The following ATP8A2 variants were observed in gnomAD, a reference collection of about 807,000 sequenced individuals.
ATP8A2 encodes the protein ATPase phospholipid transporting 8A2, also known as phospholipid-transporting ATPase IB.
A neutral mutation model predicts 165.6 loss-of-function variants in ATP8A2; 100 were observed. The observed-to-expected ratio is 0.60, with a 90% CI of 0.51 to 0.71. The LOEUF (loss-of-function observed/expected upper bound fraction) is 0.71, where lower values mean the gene tolerates loss of function less well. Ranked by LOEUF, ATP8A2 falls within the 30% of genes least tolerant of loss-of-function variation. The probability of loss-of-function intolerance (pLI) is 0.00; values close to 1 mark genes in which losing one functional copy is unlikely to be tolerated. For missense variants in ATP8A2, 1,227 were observed against 1,479.5 expected, an observed-to-expected ratio of 0.83 and a Z score of 2.80; for synonymous variants, 543 against 548.8, an observed-to-expected ratio of 0.99 and a Z score of 0.15.
chr13:25,567,841 G>T (rs1166307177), intron 16 of ATP8A2, among the ~76,000 whole-genome samples: 3 of 152,130 alleles, frequency 2.0e-5, no homozygotes, highest in Non-Finnish European at 4.4e-5. Context: ...GGAGATGTGG[G>T]ATTGAATTAA....
In ATP8A2 at chr13:25,893,006, C is replaced by T. The variant is rs143299899; in HGVS notation, c.3183+30598C>T. Among the ~76,000 whole-genome samples the T allele has an allele frequency of 4.6e-3, 696 of 151,804 alleles. 8 individuals are homozygous for T. Among genetic ancestry groups the T allele is most frequent in the African/African-American group, 0.016 (662 of 41,414 alleles). ...ACATATCAATCAAATGTTGTTGTAG[C>T]GTAAGTCCAGAGAAGATTTTTTTTT... On this transcript the variant is annotated intron_variant, in intron 33 of 36. Coordinates refer to ENST00000381655, the MANE Select transcript of ATP8A2 (RefSeq NM_016529.6).
rs559286945 is a variant in ATP8A2 at position 25,633,156 on chromosome 13, C to T, written c.2211+43457C>T. On this transcript the variant is annotated intron_variant, in intron 24 of 36. Transcript: ENST00000381655. ...GATTTCTCTTGAGCTTGGTGATATCCTTTATAATAACCTTTAGAGATCCGT... is the reference window on the plus strand; with the variant it reads ...GATTTCTCTTGAGCTTGGTGATATCTTTTATAATAACCTTTAGAGATCCGT... Among the ~76,000 whole-genome samples, 60 of 152,212 alleles carry T rather than the reference C, an allele frequency of 3.9e-4. No homozygotes were observed. In the Middle Eastern group the frequency reaches 0.027, roughly 69 times the overall value.
chr13:25,740,069 G>C (rs963375059), intron 25 of ATP8A2, among the ~76,000 whole-genome samples: 1 of 152,178 alleles, frequency 6.6e-6, no homozygotes, highest in African/African-American at 2.4e-5. Flanking sequence ...CAGCACTTTG[G>C]GAGGCCGAGA....
chr13:25,695,692 A>G (rs765643476), intron 24 of ATP8A2, among the ~76,000 whole-genome samples: 1 of 152,224 alleles, frequency 6.6e-6, no homozygotes, highest in Non-Finnish European at 1.5e-5. Flanking sequence ...CGTTTATTCA[A>G]GTTTGATCAT....
Position 25,626,492 on chromosome 13 carries a change from C to T in ATP8A2, c.2211+36793C>T, listed in dbSNP as rs144677143. ...AATTACCTCCTGAAGCCTCCATGTC[C>T]AATCAGCATATGAATTTGGGGGTTA... On this transcript the variant is annotated intron_variant, in intron 24 of 36. Coordinates refer to ENST00000381655, the MANE Select transcript of ATP8A2 (RefSeq NM_016529.6). Among the ~76,000 whole-genome samples the T allele has an allele frequency of 3.7e-4, 56 of 152,200 alleles. No individual in the cohort carries two copies. In the East Asian group the frequency reaches 0.011, roughly 29 times the overall value.
At chr13:25,848,212 T>C (rs1434414107) in intron 30 of ATP8A2, among the ~76,000 whole-genome samples, 1 of 152,254 alleles carries the variant, frequency 6.6e-6, no homozygotes, top group Non-Finnish European at 1.5e-5. Context: ...TGTCTGCCTG[T>C]CTTACCATAT....
At chr13:25,698,875 A>G (rs572552891) in intron 24 of ATP8A2, among the ~76,000 whole-genome samples, 6 of 152,170 alleles carry the variant, frequency 3.9e-5, no homozygotes, top group Non-Finnish European at 7.3e-5. Context: ...CAAAAAGCAC[A>G]TTTGTTTATA....
intron 24 of ATP8A2, among the ~76,000 whole-genome samples, chr13:25,633,225 A>G (rs897555741): frequency 1.3e-5 from 2 of 152,190 alleles, no homozygotes; most frequent in African/African-American, 4.8e-5. Flanking sequence ...TGTGCACACA[A>G]GCTGGGGGAC....
intron 2 of ATP8A2, among the ~76,000 whole-genome samples, chr13:25,489,648 C>T (rs1566178567): frequency 6.6e-6 from 1 of 152,236 alleles, no homozygotes; most frequent in African/African-American, 2.4e-5. Flanking sequence ...GGACTGCGCT[C>T]TGCAAGCGAA....
intron 35 of ATP8A2, among the ~76,000 whole-genome samples, chr13:25,998,055 T>C (rs939790491): frequency 6.6e-6 from 1 of 152,220 alleles, no homozygotes; most frequent in African/African-American, 2.4e-5. Context: ...GCAGCCTGGC[T>C]CCTGCCGGGT....
chr13:25,817,554 G>A (rs1951060061), intron 27 of ATP8A2, among the ~76,000 whole-genome samples: 1 of 152,038 alleles, frequency 6.6e-6, no homozygotes, highest in African/African-American at 2.4e-5. Context: ...GATTTTAACG[G>A]AAAAGAAAAT....
At chr13:25,916,436 T>TG (rs1407652838) in intron 33 of ATP8A2, among the ~76,000 whole-genome samples, 1 of 152,242 alleles carries the variant, frequency 6.6e-6, no homozygotes, top group African/African-American at 2.4e-5. Context: ...CAGGTGCATG[T>TG]GGTGCTGGTG....
Position 25,618,153 on chromosome 13 carries a change from A to G in ATP8A2, c.2211+28454A>G, listed in dbSNP as rs367997872. 2.0e-5 allele frequency among the ~76,000 whole-genome samples: 3 copies of G among 152,300 alleles called. No homozygotes were observed. In the East Asian group the frequency reaches 5.8e-4, roughly 29 times the overall value. On this transcript the variant is annotated intron_variant, in intron 24 of 36. Transcript: ENST00000381655. ...GATTTCTGGTTTGCTTTCTTTTGGT[A>G]CATGTTATACCTGATACTGTTCTAC...
chr13:25,935,544 T>C (rs1453716637), intron 33 of ATP8A2, among the ~76,000 whole-genome samples: 1 of 152,230 alleles, frequency 6.6e-6, no homozygotes, highest in Non-Finnish European at 1.5e-5. Flanking sequence ...AGAAGCATGG[T>C]ACCAGCATCT....
chr13:25,887,349 T>C (rs1267700496), intron 33 of ATP8A2, among the ~76,000 whole-genome samples: 2 of 152,198 alleles, frequency 1.3e-5, no homozygotes, highest in African/African-American at 4.8e-5. Context: ...CAACTCTTTT[T>C]TTTTTTAAGA....
chr13:25,785,464 C>G (rs538458917), intron 27 of ATP8A2, among the ~76,000 whole-genome samples: 6 of 152,264 alleles, frequency 3.9e-5, no homozygotes, highest in African/African-American at 1.4e-4. Context: ...AAGAGCCTTT[C>G]ATTCTTATGT....
intron 36 of ATP8A2, among the ~76,000 whole-genome samples, chr13:26,016,240 C>T (rs940846864): frequency 6.6e-6 from 1 of 152,334 alleles, no homozygotes; most frequent in Non-Finnish European, 1.5e-5. Context: ...GTGGTAGGTG[C>T]AGCCAATGGG....
In ATP8A2 at chr13:25,894,728, TCTC is replaced by T. The variant is rs546674523; in HGVS notation, c.3183+32323_3183+32325del. Among the ~76,000 whole-genome samples the T allele has an allele frequency of 3.5e-4, 53 of 152,272 alleles. 2 individuals carry two copies. The South Asian group carries it at 0.011, about 32-fold the overall frequency. On this transcript the variant is annotated intron_variant, in intron 33 of 36. Transcript: ENST00000381655. ...ATTTCCTTGAGCAGTGGTTTGTAGT[TCTC>T]CTTGAAGAGGTCCTTCACATCCCTT...
chr13:25,791,248 G>A (rs1444033941), intron 27 of ATP8A2, among the ~76,000 whole-genome samples: 1 of 152,108 alleles, frequency 6.6e-6, no homozygotes. Context: ...CATGGATGGA[G>A]CTGGAGGCCA....
Sources: gnomAD v4.1 joint callset for allele counts (sites outside exome capture counted in the v4.1 genomes callset) on GRCh38, gnomAD v4.1.1 for gene constraint, MANE v1.5 for transcripts, NCBI Gene and HGNC (gene_info 2026-07-23, HGNC 2026-07-21) for gene names.